The following CCDC71 variants were observed in gnomAD, a reference collection of about 807,000 sequenced individuals.
CCDC71 encodes coiled-coil domain containing 71.
For missense variants in CCDC71, 594 were observed against 604.0 expected (o/e 0.98, Z 0.17); for synonymous variants, 257 against 242.2 (o/e 1.06, Z -0.57).
In CCDC71 at chr3:49,166,254, G is replaced by A. The variant is rs2045724116; in HGVS notation, c.-53+13C>T. 1 of 151,954 alleles carries A rather than the reference G, an allele frequency of 6.6e-6. No individual in the cohort carries two copies. The highest frequency in any genetic ancestry group is 2.4e-5 in the African/African-American group (1 of 41,420). The allele number at this position is 151,954 out of a possible 1,614,324, so 9.4% of individuals were successfully genotyped here. ...CCCTCCGCGGCGCGGCTAGGCCCGC[G>A]GCTCCAACCTACCGGCGCCGCCGCG... On this transcript the variant is annotated intron_variant, in intron 1 of 1. Transcript: ENST00000321895. The surrounding 1 kb of genome is among the most constrained non-coding windows in gnomAD (Gnocchi z 4.0).
chr3:49,165,219 T>C (rs1472193861), intron 1 of CCDC71, among the ~76,000 whole-genome samples: 1 of 152,100 alleles, frequency 6.6e-6, no homozygotes, highest in Admixed American at 6.5e-5. Flanking sequence ...TTAAGGACAA[T>C]GGGAGCCAAA....
rs376895929 is a variant in CCDC71, at chr3:49,162,872, C to T, written c.1337G>A (p.Arg446Gln). ...SDDEVRQRAQ[R>Q]ILRVNLSPVI... is the part of the protein sequence containing the mutation. ...AGGTGACAGGTTCACGCGGAGGATC[C>T]GCTGAGCCCGCTGCCGCACCTCATC... The change falls in exon 2 of 2, where the codon CGG becomes CAG. Residue 446 changes from arginine to glutamine, a missense_variant. By Grantham distance (43) the Arg-to-Gln change is conservative. Transcript: ENST00000321895. 5.6e-6 allele frequency: 9 copies of T among 1,614,120 alleles called. No homozygotes were observed. The highest frequency in any genetic ancestry group is 1.1e-5 in the South Asian group (1 of 91,078).
rs575570560 is a variant in CCDC71 at position 49,163,550 on chromosome 3, G to A, written c.659C>T (p.Pro220Leu). The change falls in exon 2 of 2, where the codon CCG becomes CTG. Residue 220 changes from proline to leucine, a missense_variant. Transcript: ENST00000321895. ...LKLRKSSGKG[P>L]GNPRPKAPRK... ...GGGAGCTTTGGGCCGAGGGTTCCCCGGACCCTTCCCTGAACTTTTCCGCAG... is the reference window on the plus strand; with the variant it reads ...GGGAGCTTTGGGCCGAGGGTTCCCCAGACCCTTCCCTGAACTTTTCCGCAG... The A allele has an allele frequency of 1.5e-5, 25 of 1,614,216 alleles. No individual in the cohort carries two copies. Among genetic ancestry groups the A allele is most frequent in the African/African-American group, 2.7e-5 (2 of 75,064 alleles).
rs1192769266 is a variant in CCDC71 at position 49,166,088 on chromosome 3, T to C, written c.-53+179A>G. On this transcript the variant is annotated intron_variant, in intron 1 of 1. Coordinates refer to ENST00000321895, the MANE Select transcript of CCDC71 (RefSeq NM_022903.4). This position sits in a 1 kb window ranked among gnomAD's most constrained non-coding sequence, Gnocchi z 4.0. Reference sequence around the variant, plus strand: ...TGTACAGGGTGAACGGTGCTAGCCCTACCGGGACCGCACAGCCCCAGGGTG... The same window carrying C: ...TGTACAGGGTGAACGGTGCTAGCCCCACCGGGACCGCACAGCCCCAGGGTG... Among the ~76,000 whole-genome samples, 3 of 141,740 alleles carry C rather than the reference T, an allele frequency of 2.1e-5. No homozygotes were observed. The highest frequency in any genetic ancestry group is 4.6e-5 in the Non-Finnish European group (3 of 65,358). The allele number at this position is 141,740 out of a possible 152,430, so 93.0% of individuals were successfully genotyped here.
At chr3:49,165,087 A>T (rs1447845589) in intron 1 of CCDC71, among the ~76,000 whole-genome samples, 1 of 152,194 alleles carries the variant, frequency 6.6e-6, no homozygotes, top group East Asian at 1.9e-4. Context: ...ATGGAGACCT[A>T]ATCAAGAGTC....
rs1037044630 is a variant in CCDC71, at chr3:49,166,082, T to C, written c.-53+185A>G. The stretch of plus-strand genomic sequence containing the variant: ...GCGAAATGTACAGGGTGAACGGTGC[T>C]AGCCCTACCGGGACCGCACAGCCCC... On this transcript the variant is annotated intron_variant, in intron 1 of 1. Coordinates refer to ENST00000321895, the MANE Select transcript of CCDC71 (RefSeq NM_022903.4). This position sits in a 1 kb window ranked among gnomAD's most constrained non-coding sequence, Gnocchi z 4.0. Among the ~76,000 whole-genome samples, 1 of 145,784 alleles carries C rather than the reference T, an allele frequency of 6.9e-6. No homozygotes were observed. The highest frequency in any genetic ancestry group is 1.5e-5 in the Non-Finnish European group (1 of 66,498).
Position 49,163,742 on chromosome 3 carries a change from C to G in CCDC71, c.467G>C (p.Gly156Ala), listed in dbSNP as rs762273066. 5 of 1,613,972 alleles carry G rather than the reference C, an allele frequency of 3.1e-6. No individual in the cohort carries two copies. The highest frequency in any genetic ancestry group is 4.2e-6 in the Non-Finnish European group (5 of 1,180,038). ...LKQSSASHARGAAVGFPTHLY... is the reference protein window; with the variant it reads ...LKQSSASHARAAAVGFPTHLY... ...GTGGGTGGGGAAGCCCACTGCTGCACCCCGGGCATGGCTGGCACTTGATTG... is the reference window on the plus strand; with the variant it reads ...GTGGGTGGGGAAGCCCACTGCTGCAGCCCGGGCATGGCTGGCACTTGATTG... Residue 156 changes from glycine to alanine, a missense_variant, in exon 2 of 2, where the codon GGT becomes GCT. Physicochemically the swap from Gly to Ala is moderately conservative, Grantham distance 60. Coordinates refer to ENST00000321895, the MANE Select transcript of CCDC71 (RefSeq NM_022903.4).
Position 49,163,440 on chromosome 3 carries a change from T to G in CCDC71, c.769A>C (p.Lys257Gln). The change falls in exon 2 of 2, where the codon AAA becomes CAA. Residue 257 changes from lysine (K) to glutamine (Q), a missense_variant. Coordinates refer to ENST00000321895, the MANE Select transcript of CCDC71 (RefSeq NM_022903.4). ...GGGGACCCAGTGGCTCTGTTGGTTT[T>G]GCTCTGGTGCCCAGAGCCTCGTCGG... ...GPRRGSGHQSKTNRATGSPSV... is the reference protein window; with the variant it reads ...GPRRGSGHQSQTNRATGSPSV... 1 of 1,614,268 alleles carries G rather than the reference T, an allele frequency of 6.2e-7. No individual in the cohort carries two copies. The highest frequency in any genetic ancestry group is 8.5e-7 in the Non-Finnish European group (1 of 1,180,052).
In CCDC71 at chr3:49,163,849, C is replaced by A. The variant is rs202230852; in HGVS notation, c.360G>T (p.Pro120=). 16 of 1,613,990 alleles carry A rather than the reference C, an allele frequency of 9.9e-6. No individual in the cohort carries two copies. The South Asian group carries it at 1.8e-4, about 18-fold the overall frequency. The change falls in exon 2 of 2, where the codon CCG becomes CCT. Residue 120 remains proline, a synonymous_variant. Coordinates refer to ENST00000321895, the MANE Select transcript of CCDC71 (RefSeq NM_022903.4). ...ATGCTTTGGCCAGTCTGCCAGATAG[C>A]GGCATGGGAAGCAGTGTGGCCCGAC... ...PAGRATLLPM[P]LSGRLAKAST... is the part of the protein sequence containing the mutation.
chr3:49,162,581 G>A lies in CCDC71; in HGVS notation c.*224C>T, dbSNP rs1217241564. The A allele has an allele frequency of 3.4e-6, 2 of 593,090 alleles. No homozygotes were observed. The highest frequency in any genetic ancestry group is 6.0e-6 in the Non-Finnish European group (2 of 333,684). 36.7% of individuals were successfully genotyped at this position (593,090 alleles called of 1,614,324 possible). ...AGATGGAACAGTAGACATACAACTT[G>A]AATAACAAGTCACAGTGCATCGCGC... On this transcript the variant is annotated 3_prime_UTR_variant, in exon 2 of 2. Coordinates refer to ENST00000321895, the MANE Select transcript of CCDC71 (RefSeq NM_022903.4).
Position 49,163,571 on chromosome 3 carries a change from C to T in CCDC71, c.638G>A (p.Arg213Gln), listed in dbSNP as rs758215713. The T allele has an allele frequency of 9.9e-6, 16 of 1,614,102 alleles. No individual in the cohort carries two copies. The highest frequency in any genetic ancestry group is 1.3e-5 in the African/African-American group (1 of 74,926). The stretch of plus-strand genomic sequence containing the variant: ...CCCCGGACCCTTCCCTGAACTTTTC[C>T]GCAGTTTCAGAGGAGAGTCTGCAAG... Reference protein sequence around the residue: ...LSLADSPLKLRKSSGKGPGNP... With the variant: ...LSLADSPLKLQKSSGKGPGNP... The change falls in exon 2 of 2, where the codon CGG (arginine) becomes CAG (glutamine). Residue 213 changes from arginine to glutamine, a missense_variant. Physicochemically the swap from Arg to Gln is conservative, Grantham distance 43 (BLOSUM62 1). Coordinates refer to ENST00000321895, the MANE Select transcript of CCDC71 (RefSeq NM_022903.4).
chr3:49,164,384 T>G (rs2045710969), intron 1 of CCDC71, 124 bp from the exon 2 acceptor site: 1 of 640,248 alleles, frequency 1.6e-6, no homozygotes, highest in Non-Finnish European at 2.7e-6. Flanking sequence ...GTGAGACACT[T>G]CCTGGTGTAA....
chr3:49,165,931 T>C (rs1428839557), intron 1 of CCDC71, among the ~76,000 whole-genome samples: 1 of 152,148 alleles, frequency 6.6e-6, no homozygotes, highest in Non-Finnish European at 1.5e-5. Flanking sequence ...GCAGGAGAAG[T>C]TGACGGAAGA....
Position 49,163,143 on chromosome 3 carries a change from C to G in CCDC71, c.1066G>C (p.Ala356Pro), listed in dbSNP as rs772244980. 1 of 1,614,154 alleles carries G rather than the reference C, an allele frequency of 6.2e-7. No individual in the cohort carries two copies. The highest frequency in any genetic ancestry group is 8.5e-7 in the Non-Finnish European group (1 of 1,180,016). Residue 356 changes from alanine to proline, a missense_variant, in exon 2 of 2, where the codon GCT becomes CCT. Ala to Pro is a conservative substitution (Grantham distance 27). Coordinates refer to ENST00000321895, the MANE Select transcript of CCDC71 (RefSeq NM_022903.4). ...AKAVRAKAKV[A>P]RTQPRGRGRP... Reference sequence around the variant, plus strand: ...CCTCTGCCCCTGGGCTGGGTCCGAGCCACCTTGGCCTTGGCCCGTACTGCC... The same window carrying G: ...CCTCTGCCCCTGGGCTGGGTCCGAGGCACCTTGGCCTTGGCCCGTACTGCC...
In CCDC71 at chr3:49,163,542, G is replaced by A. The variant is rs1329889633; in HGVS notation, c.667C>T (p.Pro223Ser). ...GTTTTTCTGGGAGCTTTGGGCCGAGGGTTCCCCGGACCCTTCCCTGAACTT... is the reference window on the plus strand; with the variant it reads ...GTTTTTCTGGGAGCTTTGGGCCGAGAGTTCCCCGGACCCTTCCCTGAACTT... ...RKSSGKGPGN[P>S]RPKAPRKTTS... The change falls in exon 2 of 2, where the codon CCT (proline) becomes TCT (serine). Residue 223 changes from proline to serine, a missense_variant. By Grantham distance (74) the Pro-to-Ser change is moderately conservative (BLOSUM62 -1). Transcript: ENST00000321895. 6.2e-7 allele frequency: 1 copy of A among 1,614,246 alleles called. No homozygotes were observed. The highest frequency in any genetic ancestry group is 2.2e-5 in the East Asian group (1 of 44,882).
rs375670218 is a variant in CCDC71, at chr3:49,162,862, G to A, written c.1347C>T (p.Arg449=). 1.4e-5 allele frequency: 22 copies of A among 1,613,930 alleles called. No individual in the cohort carries two copies. The highest frequency in any genetic ancestry group is 4.5e-5 in the East Asian group (2 of 44,898). The change falls in exon 2 of 2, where the codon CGC becomes CGT. Residue 449 remains arginine, a synonymous_variant. Transcript: ENST00000321895. The stretch of plus-strand genomic sequence containing the variant: ...GCCGTATTACAGGTGACAGGTTCAC[G>A]CGGAGGATCCGCTGAGCCCGCTGCC... ...EVRQRAQRIL[R]VNLSPVIRLQ... is the part of the protein sequence containing the mutation.
Position 49,163,194 on chromosome 3 carries a change from A to G in CCDC71, c.1015T>C (p.Trp339Arg), listed in dbSNP as rs4955418. The G allele has an allele frequency of 0.65, 1,052,450 of 1,613,708 alleles. 349,378 individuals are homozygous for G. Among genetic ancestry groups the G allele is most frequent in the East Asian group, 0.96 (42,896 of 44,858 alleles). The part of the protein sequence containing the change: ...VKAKAKVMAA[W>R]AKAKAKAKAV... The stretch of plus-strand genomic sequence containing the variant: ...TTGGCTTTAGCCTTGGCCTTGGCCC[A>G]TGCTGCCATGACTTTGGCCTTGGCC... Residue 339 changes from tryptophan (W) to arginine (R), a missense_variant, in exon 2 of 2, where the codon TGG (tryptophan) becomes CGG (arginine). By Grantham distance (101) the Trp-to-Arg change is moderately radical. Transcript: ENST00000321895.
rs148080716 is a variant in CCDC71 at position 49,165,674 on chromosome 3, T to A, written c.-53+593A>T. Reference sequence around the variant, plus strand: ...GTTCTCCAAGCACAATCCTTGCACATGACTTTAGTTCTTTATTAATGTTTT... The same window carrying A: ...GTTCTCCAAGCACAATCCTTGCACAAGACTTTAGTTCTTTATTAATGTTTT... On this transcript the variant is annotated intron_variant, in intron 1 of 1. Coordinates refer to ENST00000321895, the MANE Select transcript of CCDC71 (RefSeq NM_022903.4). Among the ~76,000 whole-genome samples, 20 of 152,390 alleles carry A rather than the reference T, an allele frequency of 1.3e-4. No homozygotes were observed. The East Asian group carries it at 3.9e-3, about 29-fold the overall frequency.
In CCDC71 at chr3:49,163,745, C is replaced by T. The variant is rs773280285; in HGVS notation, c.464G>A (p.Arg155Gln). 1.4e-5 allele frequency: 23 copies of T among 1,614,086 alleles called. No individual in the cohort carries two copies. The highest frequency in any genetic ancestry group is 1.9e-5 in the Non-Finnish European group (22 of 1,180,044). The change falls in exon 2 of 2, where the codon CGG becomes CAG. Residue 155 changes from arginine (R) to glutamine (Q), a missense_variant. Physicochemically the swap from Arg to Gln is conservative, Grantham distance 43. Coordinates refer to ENST00000321895, the MANE Select transcript of CCDC71 (RefSeq NM_022903.4). ...SLKQSSASHA[R>Q]GAAVGFPTHL... ...GGTGGGGAAGCCCACTGCTGCACCC[C>T]GGGCATGGCTGGCACTTGATTGCTT...
Sources: gnomAD v4.1 joint callset for allele counts (sites outside exome capture counted in the v4.1 genomes callset) on GRCh38, gnomAD v4.1.1 for gene constraint, Gnocchi (gnomAD v3.1) non-coding constraint, MANE v1.5 for transcripts, NCBI Gene and HGNC (gene_info 2026-07-23, HGNC 2026-07-21) for gene names.